SDK2: variants seen among roughly 807,000 people sequenced by gnomAD.
SDK2 encodes the protein sidekick cell adhesion molecule 2, also known as protein sidekick-2.
Under a neutral mutation model 253.9 loss-of-function variants are expected in SDK2, and 105 were observed. The ratio of observed to expected loss-of-function variants is 0.41; its 90% CI spans 0.35 to 0.49. SDK2 has a LOEUF of 0.49. SDK2 is among the 20% of genes least tolerant of loss of function. SDK2 has a pLI of 0.06. For synonymous variants in SDK2, 1,249 were observed against 1,234.9 expected (o/e 1.01, Z -0.24); for missense variants, 2,608 against 3,003.0 (o/e 0.87, Z 3.07).
chr17:73,401,555 G>T, intron 20 of SDK2, 99 bp downstream of exon 20: 1 of 1,152,592 alleles, frequency 8.7e-7, no homozygotes, highest in Non-Finnish European at 1.3e-6. Flanking sequence ...TTGGCTTCAA[G>T]AGTTTGGGTG....
rs1409960144 is a variant in SDK2, at chr17:73,383,615, C to A, written c.4705+261G>T. Among the ~76,000 whole-genome samples the A allele has an allele frequency of 2.0e-5, 3 of 152,224 alleles. No individual in the cohort carries two copies. The highest frequency in any genetic ancestry group is 4.4e-5 in the Non-Finnish European group (3 of 68,036). Reference sequence around the variant, plus strand: ...CTTCCCAGCTCGCCTGGCTCCTCCTCCAGCCTGCAACTCCAAGAGGGCAGG... The same window carrying A: ...CTTCCCAGCTCGCCTGGCTCCTCCTACAGCCTGCAACTCCAAGAGGGCAGG... On this transcript the variant is annotated intron_variant, in intron 33 of 44. Coordinates refer to ENST00000392650, the MANE Select transcript of SDK2 (RefSeq NM_001144952.2). The surrounding 1 kb of genome is among the most constrained non-coding windows in gnomAD (Gnocchi z 4.3).
chr17:73,568,272 G>A lies in SDK2; in HGVS notation c.65-60675C>T, dbSNP rs117305900. Among the ~76,000 whole-genome samples the A allele has an allele frequency of 6.0e-3, 915 of 152,224 alleles. 2 individuals are homozygous for A. Among genetic ancestry groups the A allele is most frequent in the Non-Finnish European group, 8.5e-3 (575 of 68,018 alleles). On this transcript the variant is annotated intron_variant, in intron 1 of 44. Transcript: ENST00000392650. The stretch of plus-strand genomic sequence containing the variant: ...ACCCTCTATCTCTCTTTTTCTCTAT[G>A]TGACACAACTGCTCCCTCTTTTCTT...
At chr17:73,601,311 C>T (rs937385058) in intron 1 of SDK2, among the ~76,000 whole-genome samples, 5 of 152,084 alleles carry the variant, frequency 3.3e-5, no homozygotes, top group East Asian at 1.9e-4. Flanking sequence ...TGAGCCACCG[C>T]GCCTGGCCTT....
At chr17:73,360,178 G>A (rs1170878041) in intron 39 of SDK2, among the ~76,000 whole-genome samples, 4 of 152,204 alleles carry the variant, frequency 2.6e-5, no homozygotes, top group Non-Finnish European at 1.5e-5. Context: ...GAGGCAGCGC[G>A]GGGCGGGGCT....
chr17:73,595,101 C>T (rs897740943), intron 1 of SDK2, among the ~76,000 whole-genome samples: 5 of 152,160 alleles, frequency 3.3e-5, no homozygotes, highest in South Asian at 2.1e-4. Flanking sequence ...GCTCCTAGCA[C>T]GGTGCCTGAA....
chr17:73,549,955 G>C (rs2045027975), intron 1 of SDK2, among the ~76,000 whole-genome samples: 1 of 152,134 alleles, frequency 6.6e-6, no homozygotes, highest in Non-Finnish European at 1.5e-5. Context: ...TCTGGAATGA[G>C]ACTGTGGGTG....
chr17:73,564,609 G>C (rs1378817748), intron 1 of SDK2, among the ~76,000 whole-genome samples: 1 of 152,180 alleles, frequency 6.6e-6, no homozygotes, highest in Non-Finnish European at 1.5e-5. Context: ...TGGATCACTT[G>C]AGGCCAGGAG....
At position 73,570,124 on chromosome 17, in the gene SDK2, G is replaced by A. The variant is rs1186941689; in HGVS notation, c.65-62527C>T. On this transcript the variant is annotated intron_variant, in intron 1 of 44. Coordinates refer to ENST00000392650, the MANE Select transcript of SDK2 (RefSeq NM_001144952.2). This position sits in a 1 kb window ranked among gnomAD's most constrained non-coding sequence, Gnocchi z 4.2. ...GAGCCCCTCGGGACGGCCCCCCAGA[G>A]CCCCTCTTGGGGAGAGACTGGGACT... 6.6e-6 allele frequency among the ~76,000 whole-genome samples: 1 copy of A among 152,108 alleles called. No homozygotes were observed. Among genetic ancestry groups the A allele is most frequent in the African/African-American group, 2.4e-5 (1 of 41,426 alleles).
intron 24 of SDK2, among the ~76,000 whole-genome samples, chr17:73,396,996 TCAAGCTGTCCGCGCA>T (rs899172074): frequency 5.9e-5 from 9 of 152,200 alleles, no homozygotes; most frequent in African/African-American, 2.2e-4. Flanking sequence ...GCCGCTAGCA[TCAAGCTGTCCGCGCA>T]CAGGAACGGC....
In SDK2 at chr17:73,431,833, A is replaced by G. The variant is rs1462187295; in HGVS notation, c.1313-164T>C. ...GTGGGGCTGGGGTGGGGGCTGAGAGACCTGGAGAGCTTTCTGGCTTAGGGA... is the reference window on the plus strand; with the variant it reads ...GTGGGGCTGGGGTGGGGGCTGAGAGGCCTGGAGAGCTTTCTGGCTTAGGGA... On this transcript the variant is annotated intron_variant, in intron 10 of 44. Transcript: ENST00000392650. This position sits in a 1 kb window ranked among gnomAD's most constrained non-coding sequence, Gnocchi z 5.6. Among the ~76,000 whole-genome samples, 4 of 152,066 alleles carry G rather than the reference A, an allele frequency of 2.6e-5. No homozygotes were observed. Among genetic ancestry groups the G allele is most frequent in the Non-Finnish European group, 4.4e-5 (3 of 67,976 alleles).
chr17:73,390,506 T>C (rs377296519), intron 28 of SDK2, 25 bp from the exon 29 acceptor site: 51 of 1,593,368 alleles, frequency 3.2e-5, no homozygotes, highest in Non-Finnish European at 3.7e-5. Flanking sequence ...CACATGGCTA[T>C]TATGGCAAGC....
chr17:73,455,789 TG>T lies in SDK2; in HGVS notation c.479+116del. On this transcript the variant is annotated intron_variant, in intron 4 of 44. Coordinates refer to ENST00000392650, the MANE Select transcript of SDK2 (RefSeq NM_001144952.2). This position sits in a 1 kb window ranked among gnomAD's most constrained non-coding sequence, Gnocchi z 5.0. ...CTACCTGGCTGTGTCCCACAGGAGC[TG>T]AAAGGGGCTTCTGCACAAAGGCCCT... 1 of 1,185,116 alleles carries T rather than the reference TG, an allele frequency of 8.4e-7. No homozygotes were observed. Among genetic ancestry groups the T allele is most frequent in the African/African-American group, 1.6e-5 (1 of 63,588 alleles). 73.4% of individuals were successfully genotyped at this position (1,185,116 alleles called of 1,614,324 possible). A position where few individuals can be genotyped will look rare whatever the true frequency, so the allele number is the denominator to read the frequency against.
chr17:73,342,630 A>T (rs967628119), intron 44 of SDK2, among the ~76,000 whole-genome samples: 3 of 152,088 alleles, frequency 2.0e-5, no homozygotes, highest in Non-Finnish European at 2.9e-5. Context: ...GGGGTTCTAG[A>T]ATTTTGGCTA....
intron 32 of SDK2, among the ~76,000 whole-genome samples, chr17:73,385,438 T>C (rs987481204): frequency 6.6e-6 from 1 of 152,186 alleles, no homozygotes; most frequent in African/African-American, 2.4e-5. Flanking sequence ...TGGGGCTTCA[T>C]GGAGACTCTG....
At chr17:73,402,741 TTA>T (rs1268824285) in intron 18 of SDK2, among the ~76,000 whole-genome samples, 1 of 152,162 alleles carries the variant, frequency 6.6e-6, no homozygotes, top group Non-Finnish European at 1.5e-5. Flanking sequence ...AGTGCTGGGA[TTA>T]TAGGTGTAAG....
In SDK2 at chr17:73,335,627, T is replaced by A. The variant is rs966435597; in HGVS notation, c.*2960A>T. On this transcript the variant is annotated 3_prime_UTR_variant, in exon 45 of 45. Transcript: ENST00000392650. ...GTGGCTGGGGCTGTGGAGACAATAT[T>A]CCAGATGAGTGGGTATTGACTAAGT... is the stretch of plus-strand genomic sequence containing the variant. 1.3e-5 allele frequency: 2 copies of A among 152,200 alleles called. No individual in the cohort carries two copies. Among genetic ancestry groups the A allele is most frequent in the African/African-American group, 4.8e-5 (2 of 41,432 alleles). The allele number at this position is 152,200 out of a possible 1,614,324, so 9.4% of individuals were successfully genotyped here. A position where few individuals can be genotyped will look rare whatever the true frequency, so the allele number is the denominator to read the frequency against.
rs2046429154 is a variant in SDK2, at chr17:73,643,880, G to A, written c.64+145C>T. ...AGAGCCCCAAAACTTGGGAGATGGG[G>A]TGTCTTGAAACTCCCTGGAGAGGGC... On this transcript the variant is annotated intron_variant, in intron 1 of 44. Transcript: ENST00000392650. The surrounding 1 kb of genome is among the most constrained non-coding windows in gnomAD (Gnocchi z 6.9). The A allele has an allele frequency of 1.5e-6, 1 of 663,784 alleles. No individual in the cohort carries two copies. Among genetic ancestry groups the A allele is most frequent in the Admixed American group, 2.7e-5 (1 of 37,570 alleles). 41.1% of individuals were successfully genotyped at this position (663,784 alleles called of 1,614,324 possible).
intron 12 of SDK2, among the ~76,000 whole-genome samples, chr17:73,426,827 C>T (rs1386600560): frequency 6.6e-6 from 1 of 152,124 alleles, no homozygotes; most frequent in Non-Finnish European, 1.5e-5. Flanking sequence ...TGGCTCATGC[C>T]TGTAATCCTA....
At chr17:73,477,313 A>T (rs1175384875) in intron 2 of SDK2, among the ~76,000 whole-genome samples, 2 of 151,896 alleles carry the variant, frequency 1.3e-5, no homozygotes, top group African/African-American at 2.4e-5. Context: ...CATCCAGGTC[A>T]CCCCGGGGGT....
Sources: gnomAD v4.1 joint callset for allele counts (sites outside exome capture counted in the v4.1 genomes callset) on GRCh38, gnomAD v4.1.1 for gene constraint, Gnocchi (gnomAD v3.1) non-coding constraint, MANE v1.5 for transcripts, NCBI Gene and HGNC (gene_info 2026-07-23, HGNC 2026-07-21) for gene names.